Variants in FOXP1 observed in about 807,000 individuals in gnomAD.
FOXP1 encodes forkhead box protein P1.
A neutral mutation model predicts 98.2 loss-of-function variants in FOXP1; 15 were observed. That is an observed-to-expected ratio of 0.15 (90% CI 0.10 to 0.24). The LOEUF (loss-of-function observed/expected upper bound fraction) is 0.24. Among genes scored for constraint, FOXP1 ranks in the 10% least tolerant of loss-of-function variants. The probability of loss-of-function intolerance (pLI) is 1.00; values close to 1 mark genes in which losing one functional copy is unlikely to be tolerated. For missense variants in FOXP1, 633 were observed against 848.5 expected (o/e 0.75, Z 3.15); for synonymous variants, 371 against 314.5 (o/e 1.18, Z -1.90).
rs375531914 is a variant in FOXP1, at chr3:71,527,717, G to T, written c.-297-34162C>A. Among the ~76,000 whole-genome samples the T allele has an allele frequency of 3.9e-5, 6 of 152,226 alleles. No individual in the cohort carries two copies. The East Asian group carries it at 1.2e-3, about 29-fold the overall frequency. On this transcript the variant is annotated intron_variant, in intron 2 of 20. Transcript: ENST00000649528. ...TCCCCCGACAATCTGTACAATAGGG[G>T]GGAAAAAACAAAGAGAAAAAAAATA...
chr3:71,279,172 C>CAAAAAAAAAAA (rs11308828), intron 5 of FOXP1, among the ~76,000 whole-genome samples: 10 of 69,782 alleles, frequency 1.4e-4, no homozygotes, highest in African/African-American at 3.4e-4. Context: ...AACTCCATCT[C>CAAAAAAAAAAA]AAAAAAAAAA....
chr3:71,518,972 G>A (rs563490034), intron 2 of FOXP1, among the ~76,000 whole-genome samples: 71 of 152,340 alleles, frequency 4.7e-4, no homozygotes, highest in African/African-American at 1.6e-3. Flanking sequence ...GAGGCCAGGT[G>A]CGGTGGCTCA....
chr3:71,485,660 T>C (rs145822271), intron 3 of FOXP1, among the ~76,000 whole-genome samples: 3 of 151,352 alleles, frequency 2.0e-5, no homozygotes, highest in Non-Finnish European at 2.9e-5. Context: ...TCCCAGCTAC[T>C]AGGGAGGCTG....
At chr3:70,972,526 G>A (rs774059919) in intron 18 of FOXP1, 29 bp downstream of exon 18, 2 of 1,614,040 alleles carry the variant, frequency 1.2e-6, no homozygotes, top group Non-Finnish European at 1.7e-6. Flanking sequence ...TCCAAGCTAG[G>A]CTAAGAAGTT....
At chr3:71,008,786 G>A (rs2043129821) in intron 12 of FOXP1, among the ~76,000 whole-genome samples, 1 of 151,964 alleles carries the variant, frequency 6.6e-6, no homozygotes, top group African/African-American at 2.4e-5. Context: ...AACAAATGCT[G>A]CAGAATGATC....
At chr3:71,347,071 C>T (rs1006159891) in intron 4 of FOXP1, among the ~76,000 whole-genome samples, 16 of 152,150 alleles carry the variant, frequency 1.1e-4, no homozygotes, top group Admixed American at 2.6e-4. Flanking sequence ...AAAGCTTTAC[C>T]TCACATATAA....
intron 5 of FOXP1, among the ~76,000 whole-genome samples, chr3:71,281,716 G>A (rs1288824): frequency 1.3e-5 from 2 of 151,984 alleles, no homozygotes; most frequent in Non-Finnish European, 2.9e-5. Flanking sequence ...CATGGTTTAA[G>A]TTCTGAAAAG....
intron 6 of FOXP1, among the ~76,000 whole-genome samples, chr3:71,162,918 G>A (rs1181599028): frequency 6.6e-6 from 1 of 152,168 alleles, no homozygotes; most frequent in South Asian, 2.1e-4. Flanking sequence ...TCCAGTTACG[G>A]CTGTCATCAT....
At chr3:71,548,766 C>G (rs2045557294) in intron 2 of FOXP1, among the ~76,000 whole-genome samples, 1 of 150,880 alleles carries the variant, frequency 6.6e-6, no homozygotes, top group Non-Finnish European at 1.5e-5. Context: ...TGGCCTTTAC[C>G]CCCCCAAAAG....
chr3:71,411,714 A>C (rs2082763768), intron 3 of FOXP1, among the ~76,000 whole-genome samples: 4 of 152,202 alleles, frequency 2.6e-5, no homozygotes, highest in Admixed American at 2.6e-4. Context: ...GAGCGGTCTC[A>C]GTTAGTCTGC....
chr3:71,556,688 T>C lies in FOXP1; in HGVS notation c.-298+24861A>G, dbSNP rs573341966. On this transcript the variant is annotated intron_variant, in intron 2 of 20. Coordinates refer to ENST00000649528, the MANE Select transcript of FOXP1 (RefSeq NM_001349338.3). Reference sequence around the variant, plus strand: ...GTCTTTTTTTTTTTTAAGGTTTTATTGTAACTCTTCTTACTAGCATTCCCC... The same window carrying C: ...GTCTTTTTTTTTTTTAAGGTTTTATCGTAACTCTTCTTACTAGCATTCCCC... Among the ~76,000 whole-genome samples, 8 of 151,618 alleles carry C rather than the reference T, an allele frequency of 5.3e-5. No individual in the cohort carries two copies. The East Asian group carries it at 1.5e-3, about 29-fold the overall frequency.
intron 3 of FOXP1, among the ~76,000 whole-genome samples, chr3:71,492,871 C>A (rs906773809): frequency 7.2e-5 from 11 of 152,120 alleles, no homozygotes; most frequent in African/African-American, 2.2e-4. Context: ...TCCTTTCTAA[C>A]CTCCCCCTAA....
intron 2 of FOXP1, among the ~76,000 whole-genome samples, chr3:71,569,785 C>CTTT (rs796572529): frequency 7.0e-6 from 1 of 142,234 alleles, no homozygotes; most frequent in Non-Finnish European, 1.6e-5. Flanking sequence ...TCTCCACTTT[C>CTTT]TTTTTTTTTT....
intron 20 of FOXP1, 25 bp from the exon 21 acceptor site, chr3:70,959,416 G>T (rs1185745879): frequency 1.2e-6 from 2 of 1,613,832 alleles, no homozygotes; most frequent in Non-Finnish European, 1.7e-6. Context: ...CAGAGGTTCA[G>T]TGAGGGTACT....
chr3:71,488,429 G>T (rs533769019), intron 3 of FOXP1, among the ~76,000 whole-genome samples: 3 of 152,288 alleles, frequency 2.0e-5, no homozygotes, highest in African/African-American at 7.2e-5. Flanking sequence ...GGGGTGTGGA[G>T]GTTCTTTCAT....
chr3:71,204,760 A>G (rs562415470), intron 5 of FOXP1, among the ~76,000 whole-genome samples: 2 of 152,240 alleles, frequency 1.3e-5, no homozygotes, highest in South Asian at 4.1e-4. Context: ...AGAAAAAAAC[A>G]AAAAGGGTAG....
chr3:71,438,014 A>C (rs943331168), intron 3 of FOXP1, among the ~76,000 whole-genome samples: 4 of 152,238 alleles, frequency 2.6e-5, no homozygotes, highest in African/African-American at 9.6e-5. Flanking sequence ...TTTCCAGAAG[A>C]AATGTATTTA....
intron 17 of FOXP1, among the ~76,000 whole-genome samples, chr3:70,973,105 TAC>T (rs2036634597): frequency 6.6e-6 from 1 of 152,194 alleles, no homozygotes; most frequent in Admixed American, 6.5e-5. Context: ...TACTGCTAAA[TAC>T]AGTTTTGTTC....
intron 3 of FOXP1, among the ~76,000 whole-genome samples, chr3:71,455,678 GAGA>G (rs1470585060): frequency 6.6e-6 from 1 of 152,118 alleles, no homozygotes; most frequent in Non-Finnish European, 1.5e-5. Context: ...TTCAATTTGG[GAGA>G]AGAAGCCCAA....
Sources: allele counts gnomAD v4.1 joint callset (sites outside exome capture counted in the v4.1 genomes callset), GRCh38; gene constraint gnomAD v4.1.1; transcripts MANE v1.5; gene names NCBI Gene and HGNC (gene_info 2026-07-23, HGNC 2026-07-21).